Variants in EPS15 observed in about 807,000 individuals in gnomAD.
EPS15 encodes epidermal growth factor receptor pathway substrate 15.
Under a neutral mutation model 113.8 loss-of-function variants are expected in EPS15, and 72 were observed. The observed-to-expected ratio is 0.63, with a 90% CI of 0.52 to 0.77. The LOEUF is 0.77. EPS15 is among the 30% of genes least tolerant of loss of function. The pLI is 0.00. For missense variants in EPS15, 1,048 were observed against 1,045.8 expected, an observed-to-expected ratio of 1.00 and a Z score of -0.03; for synonymous variants, 344 against 363.4, an observed-to-expected ratio of 0.95 and a Z score of 0.61.
At chr1:51,396,791 A>T (rs1319548699) in intron 20 of EPS15, among the ~76,000 whole-genome samples, 1 of 152,182 alleles carries the variant, frequency 6.6e-6, no homozygotes, top group Non-Finnish European at 1.5e-5. Flanking sequence ...GCAATTTTTT[A>T]AAAATTTCCA....
intron 2 of EPS15, among the ~76,000 whole-genome samples, chr1:51,476,895 G>T (rs1044478285): frequency 1.3e-5 from 2 of 152,122 alleles, no homozygotes; most frequent in Non-Finnish European, 2.9e-5. Context: ...TGTTCATCAG[G>T]GATATTGGTC....
At chr1:51,424,013 G>T (rs1253971130) in intron 12 of EPS15, among the ~76,000 whole-genome samples, 1 of 151,986 alleles carries the variant, frequency 6.6e-6, no homozygotes, top group Non-Finnish European at 1.5e-5. Flanking sequence ...AAAAAATATG[G>T]AGATCTTTAG....
At chr1:51,489,134 C>T in intron 1 of EPS15, among the ~76,000 whole-genome samples, 1 of 144,346 alleles carries the variant, frequency 6.9e-6, no homozygotes. Context: ...AATATCCTAA[C>T]TAATGTAAAA....
At chr1:51,508,297 AG>A (rs1292901297) in intron 1 of EPS15, among the ~76,000 whole-genome samples, 2 of 128,928 alleles carry the variant, frequency 1.6e-5, no homozygotes, top group Non-Finnish European at 3.3e-5. Context: ...AGAAAGAGAG[AG>A]AGAGAAAGAG....
At chr1:51,421,236 C>T (rs1650722357) in intron 13 of EPS15, among the ~76,000 whole-genome samples, 1 of 152,090 alleles carries the variant, frequency 6.6e-6, no homozygotes, top group African/African-American at 2.4e-5. Flanking sequence ...TGAAAATGAA[C>T]TAAAGCTCTT....
At chr1:51,395,526 A>ACG (rs1647847124) in intron 20 of EPS15, among the ~76,000 whole-genome samples, 1 of 151,204 alleles carries the variant, frequency 6.6e-6, no homozygotes, top group African/African-American at 2.4e-5. Flanking sequence ...ACACACATAC[A>ACG]CACACACACA....
At chr1:51,374,996 CTTTTTTT>C (rs761941054) in intron 21 of EPS15, among the ~76,000 whole-genome samples, 15 of 108,772 alleles carry the variant, frequency 1.4e-4, no homozygotes, top group Admixed American at 2.9e-4. Context: ...TAATATACTT[CTTTTTTT>C]TTTTTTTTTT....
chr1:51,473,761 TAA>T (rs2148513849), intron 2 of EPS15, among the ~76,000 whole-genome samples: 1 of 152,242 alleles, frequency 6.6e-6, no homozygotes, highest in African/African-American at 2.4e-5. Flanking sequence ...GTTAAAAGAT[TAA>T]GTTTACTGTA....
intron 21 of EPS15, among the ~76,000 whole-genome samples, chr1:51,376,095 T>C (rs767909919): frequency 1.2e-4 from 18 of 152,228 alleles, no homozygotes; most frequent in Non-Finnish European, 2.5e-4. Flanking sequence ...CATCTACAAC[T>C]GTCATAGCTA....
chr1:51,421,916 G>T (rs1338159168), intron 12 of EPS15, 58 bp from the exon 13 acceptor site: 1 of 1,605,682 alleles, frequency 6.2e-7, no homozygotes. Context: ...AGCTGGTATG[G>T]TTATCCATCC....
chr1:51,447,183 T>C lies in EPS15; in HGVS notation c.652-78A>G, dbSNP rs1312684425. On this transcript the variant is annotated intron_variant, in intron 9 of 24. Coordinates refer to ENST00000371733, the MANE Select transcript of EPS15 (RefSeq NM_001981.3). ...GTGTCACTCTTTCAATCCATTACAATATCCATCACAAATTCTGAACAATTC... is the reference window on the plus strand; with the variant it reads ...GTGTCACTCTTTCAATCCATTACAACATCCATCACAAATTCTGAACAATTC... 5.4e-6 allele frequency: 7 copies of C among 1,284,744 alleles called. No individual in the cohort carries two copies. In the Admixed American group the frequency reaches 1.6e-4, roughly 30 times the overall value. 79.6% of individuals were successfully genotyped at this position (1,284,744 alleles called of 1,614,324 possible). A position where few individuals can be genotyped will look rare whatever the true frequency, so the allele number is the denominator to read the frequency against.
At chr1:51,398,954 A>G in intron 20 of EPS15, 78 bp downstream of exon 20, 1 of 1,253,842 alleles carries the variant, frequency 8.0e-7, no homozygotes, top group South Asian at 1.5e-5. Context: ...GGGTTCTTTC[A>G]TCACTATGTA....
intron 5 of EPS15, among the ~76,000 whole-genome samples, chr1:51,465,667 G>A (rs1221392703): frequency 1.3e-5 from 2 of 151,894 alleles, no homozygotes; most frequent in Non-Finnish European, 2.9e-5. Flanking sequence ...CGAGTAGCTG[G>A]GATTACAGGA....
rs2148361099 is a variant in EPS15, at chr1:51,371,283, G to C, written c.2120-5254C>G. ...GTTAATTGAAAAAGAGCCTCAGGCAGGTCCTTCAGGAGATATACCAGAAGA... is the reference window on the plus strand; with the variant it reads ...GTTAATTGAAAAAGAGCCTCAGGCACGTCCTTCAGGAGATATACCAGAAGA... On this transcript the variant is annotated intron_variant, in intron 21 of 24. Coordinates refer to ENST00000371733, the MANE Select transcript of EPS15 (RefSeq NM_001981.3). 1.3e-5 allele frequency among the ~76,000 whole-genome samples: 2 copies of C among 152,188 alleles called. 1 individual carries two copies. The highest frequency in any genetic ancestry group is 4.1e-4 in the South Asian group (2 of 4,820).
chr1:51,508,720 T>C (rs1306869819), intron 1 of EPS15, among the ~76,000 whole-genome samples: 2 of 152,128 alleles, frequency 1.3e-5, no homozygotes, highest in Non-Finnish European at 2.9e-5. Flanking sequence ...TCTTTTGAAG[T>C]CTATCCTTGA....
At chr1:51,445,147 T>G in intron 10 of EPS15, 102 bp from the exon 11 acceptor site, 2 of 988,480 alleles carry the variant, frequency 2.0e-6, no homozygotes, top group Non-Finnish European at 3.0e-6. Context: ...TGAGGTGAAT[T>G]TAAAAAGACA....
chr1:51,496,987 A>G (rs1205772571), intron 1 of EPS15, among the ~76,000 whole-genome samples: 1 of 152,206 alleles, frequency 6.6e-6, no homozygotes, highest in Non-Finnish European at 1.5e-5. Context: ...AGAAGATAAT[A>G]AATATTTTAT....
At chr1:51,493,871 T>A (rs562745528) in intron 1 of EPS15, among the ~76,000 whole-genome samples, 2 of 152,138 alleles carry the variant, frequency 1.3e-5, no homozygotes, top group East Asian at 3.9e-4. Flanking sequence ...AGCCTCGGCC[T>A]CCCAAAGTGC....
Position 51,409,660 on chromosome 1 carries a change from G to T in EPS15, c.1150C>A (p.Leu384Met). The T allele has an allele frequency of 6.2e-7, 1 of 1,612,574 alleles. No homozygotes were observed. Among genetic ancestry groups the T allele is most frequent in the South Asian group, 1.1e-5 (1 of 90,906 alleles). Residue 384 changes from leucine (L) to methionine (M), a missense_variant, in exon 14 of 25, where the codon CTG becomes ATG. Physicochemically the swap from Leu to Met is conservative, Grantham distance 15 (BLOSUM62 2). Coordinates refer to ENST00000371733, the MANE Select transcript of EPS15 (RefSeq NM_001981.3). ...QDEVQRENTN[L>M]QKLQAQKQQV... ...TGTTTCTGGGCCTGTAGTTTTTGCA[G>T]ATTAGTATTCTCCCTTTGAACTTCA...
Sources: gnomAD v4.1 joint callset for allele counts (sites outside exome capture counted in the v4.1 genomes callset) on GRCh38, gnomAD v4.1.1 for gene constraint, MANE v1.5 for transcripts, NCBI Gene and HGNC (gene_info 2026-07-23, HGNC 2026-07-21) for gene names.